CYB5R2: variants seen among roughly 807,000 people sequenced by gnomAD.
CYB5R2 encodes NADH-cytochrome b5 reductase 2.
Under a neutral mutation model 29.8 loss-of-function variants are expected in CYB5R2, and 35 were observed. The ratio of observed to expected loss-of-function variants is 1.17; its 90% CI spans 0.90 to 1.56. CYB5R2 has a LOEUF of 1.56. Ranked by LOEUF, CYB5R2 falls within the 40% of genes most tolerant of loss-of-function variation. The probability of loss-of-function intolerance (pLI) is 0.00; values close to 1 mark genes in which losing one functional copy is unlikely to be tolerated. For synonymous variants in CYB5R2, 169 were observed against 130.6 expected, an observed-to-expected ratio of 1.29 and a Z score of -2.01; for missense variants, 419 against 346.7, an observed-to-expected ratio of 1.21 and a Z score of -1.66.
intron 8 of CYB5R2, 67 bp downstream of exon 8, chr11:7,666,384 G>T (rs920502872): frequency 1.0e-6 from 1 of 1,000,188 alleles, no homozygotes; most frequent in Non-Finnish European, 1.6e-6. Flanking sequence ...AAGAGACAGA[G>T]ACCAGTCCTC....
chr11:7,669,440 T>TC, intron 4 of CYB5R2, 106 bp from the exon 5 acceptor site: 1 of 1,415,362 alleles, frequency 7.1e-7, no homozygotes, highest in Non-Finnish European at 9.7e-7. Context: ...GAAAGTGTTC[T>TC]CCTCTCTGAA....
intron 7 of CYB5R2, chr11:7,666,786 T>C (rs1855282610): frequency 2.5e-6 from 1 of 405,512 alleles, no homozygotes; most frequent in Non-Finnish European, 4.6e-6. Context: ...TAGGTTCCCA[T>C]GGAGCTGCAG....
intron 3 of CYB5R2, chr11:7,670,507 G>A (rs1293401798): frequency 6.6e-6 from 1 of 152,276 alleles, no homozygotes; most frequent in African/African-American, 2.4e-5. Flanking sequence ...CACAGAGCAG[G>A]CCTGGGCTCA....
chr11:7,665,647 A>C, intron 8 of CYB5R2, 101 bp from the exon 9 acceptor site: 1 of 1,322,842 alleles, frequency 7.6e-7, no homozygotes, highest in South Asian at 1.5e-5. Context: ...GGAGGTGACA[A>C]GCTGCTCTAC....
chr11:7,673,188 G>C (rs4300385), intron 1 of CYB5R2: 284,351 of 404,686 alleles, frequency 0.7, 100,656 homozygotes, highest in Admixed American at 0.74. Context: ...TACAGCCAAA[G>C]GTTCATACAC....
At chr11:7,665,687 C>T in intron 8 of CYB5R2, 141 bp from the exon 9 acceptor site, 1 of 1,140,012 alleles carries the variant, frequency 8.8e-7, no homozygotes, top group Non-Finnish European at 1.2e-6. Flanking sequence ...CTACTGCTCC[C>T]TGCAAAAAGC....
chr11:7,673,986 G>A, upstream of CYB5R2: 4 of 1,136,678 alleles, frequency 3.5e-6, no homozygotes, highest in Non-Finnish European at 4.4e-6. Flanking sequence ...TGCCCCCAGG[G>A]CAGCGCTCCA....
chr11:7,668,184 G>GAGTC (rs1220463445), intron 6 of CYB5R2, among the ~76,000 whole-genome samples: 19 of 152,244 alleles, frequency 1.2e-4, no homozygotes, highest in African/African-American at 4.6e-4. Flanking sequence ...GGGATGGGGA[G>GAGTC]AGTCAGGCTT....
intron 8 of CYB5R2, chr11:7,666,049 G>C: frequency 2.6e-6 from 2 of 766,136 alleles, no homozygotes; most frequent in Middle Eastern, 2.9e-4. Flanking sequence ...CTGTCTGGGG[G>C]CTCAGCATGT....
At chr11:7,673,669 G>A (rs1356171453), upstream of CYB5R2, 5 of 985,340 alleles carry the variant, frequency 5.1e-6, no homozygotes, top group African/African-American at 8.7e-5. Context: ...CCGTCCCGAC[G>A]GAGATATTTC....
At position 7,666,094 on chromosome 11, in the gene CYB5R2, G is replaced by T. The variant is rs534531543; in HGVS notation, c.658+357C>A. On this transcript the variant is annotated intron_variant, in intron 8 of 8. Coordinates refer to ENST00000299498, the MANE Select transcript of CYB5R2 (RefSeq NM_016229.5). Reference sequence around the variant, plus strand: ...GTGGGCGGTAAGGGGTGTGGTGGCCGTAAGCAGAAGGGTGAGTGGTGAAGG... The same window carrying T: ...GTGGGCGGTAAGGGGTGTGGTGGCCTTAAGCAGAAGGGTGAGTGGTGAAGG... 2.4e-4 allele frequency: 155 copies of T among 637,082 alleles called. 3 individuals are homozygous for T. The South Asian group carries it at 2.7e-3, about 11-fold the overall frequency. The allele number at this position is 637,082 out of a possible 1,614,324, so 39.5% of individuals were successfully genotyped here.
At chr11:7,672,666 G>C in intron 2 of CYB5R2, 82 bp downstream of exon 2, 1 of 1,563,560 alleles carries the variant, frequency 6.4e-7, no homozygotes, top group Non-Finnish European at 8.8e-7. Flanking sequence ...TGAACTGGAG[G>C]CCATGAGATG....
chr11:7,665,912 A>T, intron 8 of CYB5R2: 1 of 1,536,062 alleles, frequency 6.5e-7, no homozygotes, highest in South Asian at 1.2e-5. Flanking sequence ...ATTGCTCAGT[A>T]GGGTAGCGCC....
At chr11:7,668,707 C>T (rs891538657) in intron 5 of CYB5R2, 146 bp from the exon 6 acceptor site, 1 of 716,494 alleles carries the variant, frequency 1.4e-6, no homozygotes, top group Non-Finnish European at 2.5e-6. Flanking sequence ...CAGGCCAGGG[C>T]AGTCTCCTCA....
upstream of CYB5R2, chr11:7,674,188 A>T (rs1285698103): frequency 9.6e-6 from 12 of 1,254,006 alleles, no homozygotes; most frequent in East Asian, 2.3e-4. Flanking sequence ...GAATTCAGGC[A>T]GCTGCAAAGA....
chr11:7,668,137 C>CAAAG (rs1342201163), intron 6 of CYB5R2, among the ~76,000 whole-genome samples: 1 of 152,216 alleles, frequency 6.6e-6, no homozygotes, highest in Non-Finnish European at 1.5e-5. Context: ...ATGTCTCCTT[C>CAAAG]AAAGACTGCT....
chr11:7,673,845 G>T (rs1346482720), upstream of CYB5R2: 1 of 987,882 alleles, frequency 1.0e-6, no homozygotes, highest in African/African-American at 1.7e-5. Context: ...CCGAGACCCG[G>T]ACACGCACGC....
chr11:7,668,405 G>C, intron 6 of CYB5R2, 73 bp downstream of exon 6: 2 of 1,173,082 alleles, frequency 1.7e-6, no homozygotes. Context: ...GTCCCTTAGA[G>C]GATCAAATGA....
At chr11:7,673,971 A>T, upstream of CYB5R2, 2 of 1,046,404 alleles carry the variant, frequency 1.9e-6, no homozygotes, top group Admixed American at 1.0e-4. Flanking sequence ...GCTCTGGGTC[A>T]GCCCTGCCCC....
Sources: gnomAD v4.1 joint callset for allele counts (sites outside exome capture counted in the v4.1 genomes callset) on GRCh38, gnomAD v4.1.1 for gene constraint, MANE v1.5 for transcripts, NCBI Gene and HGNC (gene_info 2026-07-23, HGNC 2026-07-21) for gene names.